The following CREB5 variants were observed in gnomAD, a reference collection of about 807,000 sequenced individuals.
The protein encoded by CREB5 is cAMP responsive element binding protein 5.
A neutral mutation model predicts 57.1 loss-of-function variants in CREB5; 19 were observed. The observed-to-expected ratio is 0.33, with a 90% confidence interval of 0.23 to 0.49. CREB5 has a LOEUF of 0.49. Among genes scored for constraint, CREB5 ranks in the 20% least tolerant of loss-of-function variants. The pLI is 0.99. For missense variants in CREB5, 579 were observed against 671.6 expected (o/e 0.86, Z 1.52); for synonymous variants, 238 against 238.3 (o/e 1.00, Z 0.01).
At chr7:28,790,294 T>C (rs1361076629) in intron 7 of CREB5, among the ~76,000 whole-genome samples, 11 of 152,186 alleles carry the variant, frequency 7.2e-5, no homozygotes, top group African/African-American at 2.7e-4. Flanking sequence ...TATTTGGCTA[T>C]TGACAGTTGC....
At chr7:28,708,414 G>T (rs1225510234) in intron 5 of CREB5, among the ~76,000 whole-genome samples, 1 of 152,122 alleles carries the variant, frequency 6.6e-6, no homozygotes, top group Non-Finnish European at 1.5e-5. Flanking sequence ...TAATCCCAGC[G>T]AGTGGCTGGG....
chr7:28,533,692 T>A (rs1486864410), intron 4 of CREB5, among the ~76,000 whole-genome samples: 2 of 152,328 alleles, frequency 1.3e-5, no homozygotes, highest in South Asian at 4.1e-4. Context: ...CTCAGTCCTG[T>A]ATTGGGCAGA....
intron 1 of CREB5, among the ~76,000 whole-genome samples, chr7:28,416,674 T>A (rs1171915927): frequency 6.6e-6 from 1 of 152,218 alleles, no homozygotes; most frequent in Non-Finnish European, 1.5e-5. Flanking sequence ...GCTTCTAAAA[T>A]CATATCAGGG....
chr7:28,722,755 C>T (rs567710555), intron 6 of CREB5, among the ~76,000 whole-genome samples: 6 of 152,296 alleles, frequency 3.9e-5, no homozygotes, highest in Non-Finnish European at 7.4e-5. Flanking sequence ...AACAGTTTCA[C>T]ACATCTGCAC....
chr7:28,425,605 A>G (rs1249973143), intron 1 of CREB5, among the ~76,000 whole-genome samples: 1 of 152,218 alleles, frequency 6.6e-6, no homozygotes, highest in Non-Finnish European at 1.5e-5. Context: ...TTAGGTCTCA[A>G]TAAAGCTGTT....
Position 28,470,213 on chromosome 7 carries a change from C to A in CREB5, c.4-17962C>A, listed in dbSNP as rs546745800. Among the ~76,000 whole-genome samples, 263 of 152,296 alleles carry A rather than the reference C, an allele frequency of 1.7e-3. 1 individual carries two copies. The highest frequency in any genetic ancestry group is 2.7e-3 in the Non-Finnish European group (182 of 68,000). On this transcript the variant is annotated intron_variant, in intron 1 of 10. Transcript: ENST00000357727. Reference sequence around the variant, plus strand: ...TACCATTAACCATCCCCATCTCCCCCTGACTTCTCCACTACCTTTCCCAGC... The same window carrying A: ...TACCATTAACCATCCCCATCTCCCCATGACTTCTCCACTACCTTTCCCAGC...
chr7:28,737,628 C>T (rs1804107674), intron 7 of CREB5, among the ~76,000 whole-genome samples: 1 of 139,930 alleles, frequency 7.1e-6, no homozygotes, highest in Admixed American at 7.4e-5. Context: ...GTTTCTTTTA[C>T]TGGTTTAATT....
At chr7:28,719,727 G>A (rs1802910996) in intron 6 of CREB5, among the ~76,000 whole-genome samples, 1 of 152,140 alleles carries the variant, frequency 6.6e-6, no homozygotes, top group Non-Finnish European at 1.5e-5. Context: ...TCCGACTTCT[G>A]AGTCTCCACT....
intron 7 of CREB5, among the ~76,000 whole-genome samples, chr7:28,749,737 A>G (rs2128762625): frequency 6.6e-6 from 1 of 152,336 alleles, no homozygotes; most frequent in Non-Finnish European, 1.5e-5. Flanking sequence ...TTTCAAGACA[A>G]TCTTTAAGGT....
At chr7:28,777,600 G>A (rs976438844) in intron 7 of CREB5, among the ~76,000 whole-genome samples, 1 of 152,144 alleles carries the variant, frequency 6.6e-6, no homozygotes, top group African/African-American at 2.4e-5. Flanking sequence ...AAACACCACT[G>A]CAAAACAATC....
rs112577774 is a variant in CREB5 at position 28,735,498 on chromosome 7, T to C, written c.702+11166T>C. On this transcript the variant is annotated intron_variant, in intron 7 of 10. Transcript: ENST00000357727. ...ATATAGATTTATGTTAGTTAAACTT[T>C]ATCATTATCATTGGGTGGGTAAGTG... Among the ~76,000 whole-genome samples, 1,297 of 152,318 alleles carry C rather than the reference T, an allele frequency of 8.5e-3. 23 individuals are homozygous for C. Among genetic ancestry groups the C allele is most frequent in the African/African-American group, 0.03 (1,229 of 41,564 alleles).
intron 5 of CREB5, among the ~76,000 whole-genome samples, chr7:28,646,253 G>A (rs149156889): frequency 1.4e-3 from 217 of 152,220 alleles, no homozygotes; most frequent in South Asian, 2.5e-3. Flanking sequence ...TCTTCAGTGA[G>A]AAATCCTCCC....
At chr7:28,415,448 T>C (rs988621526) in intron 1 of CREB5, among the ~76,000 whole-genome samples, 3 of 152,232 alleles carry the variant, frequency 2.0e-5, no homozygotes, top group Non-Finnish European at 2.9e-5. Flanking sequence ...TTCACTCTTT[T>C]CAAGCCTTTT....
At chr7:28,480,025 TCCC>T (rs34368133) in intron 1 of CREB5, among the ~76,000 whole-genome samples, 12 of 149,090 alleles carry the variant, frequency 8.0e-5, no homozygotes, top group African/African-American at 2.7e-4. Context: ...ATCCAAAACC[TCCC>T]CCCCCCCACA....
At chr7:28,543,099 G>C (rs1363288633) in intron 4 of CREB5, among the ~76,000 whole-genome samples, 1 of 151,822 alleles carries the variant, frequency 6.6e-6, no homozygotes, top group Non-Finnish European at 1.5e-5. Flanking sequence ...CTCAATACTT[G>C]CTTTTCTCTC....
intron 7 of CREB5, among the ~76,000 whole-genome samples, chr7:28,757,534 G>C (rs182472013): frequency 6.6e-6 from 1 of 152,074 alleles, no homozygotes; most frequent in East Asian, 1.9e-4. Flanking sequence ...TTAGCCAGGC[G>C]TGGTGGCGGG....
chr7:28,675,401 C>T (rs192402096), intron 5 of CREB5, among the ~76,000 whole-genome samples: 11 of 152,236 alleles, frequency 7.2e-5, no homozygotes, highest in Non-Finnish European at 1.5e-4. Context: ...TCAGAGCCCA[C>T]CTTCAGAACT....
chr7:28,613,122 C>A (rs368375069), intron 5 of CREB5, among the ~76,000 whole-genome samples: 1 of 152,158 alleles, frequency 6.6e-6, no homozygotes, highest in East Asian at 1.9e-4. Context: ...GCAGTTTCAC[C>A]TCTATACCTC....
intron 1 of CREB5, among the ~76,000 whole-genome samples, chr7:28,374,726 G>C (rs1232803090): frequency 6.6e-6 from 1 of 152,184 alleles, no homozygotes; most frequent in Non-Finnish European, 1.5e-5. Context: ...AACAATTTCA[G>C]TTCCCAACTC....
Sources: allele counts gnomAD v4.1 joint callset (sites outside exome capture counted in the v4.1 genomes callset), GRCh38; gene constraint gnomAD v4.1.1; transcripts MANE v1.5; gene names NCBI Gene and HGNC (gene_info 2026-07-23, HGNC 2026-07-21).